KCNQ5: variants seen among roughly 807,000 people sequenced by gnomAD.
KCNQ5 encodes the protein potassium voltage-gated channel subfamily Q member 5, also known as potassium voltage-gated channel subfamily KQT member 5.
Under a neutral mutation model 98.2 loss-of-function variants are expected in KCNQ5, and 30 were observed. The observed-to-expected ratio is 0.31, with a 90% CI of 0.23 to 0.41. KCNQ5 has a LOEUF of 0.41. Ranked by LOEUF, KCNQ5 falls within the 10% of genes least tolerant of loss-of-function variation. KCNQ5 has a pLI of 1.00. For missense variants in KCNQ5, 835 were observed against 1,182.5 expected (o/e 0.71, Z 4.31); for synonymous variants, 458 against 449.4 (o/e 1.02, Z -0.24).
chr6:73,070,101 G>A (rs748643218), intron 3 of KCNQ5, among the ~76,000 whole-genome samples: 7 of 152,162 alleles, frequency 4.6e-5, no homozygotes, highest in Non-Finnish European at 7.3e-5. Context: ...ATGTTAATCC[G>A]TGAATTTAAT....
In KCNQ5 at chr6:72,622,641, C is replaced by A; in HGVS notation, c.398+54C>A. 1 of 1,594,104 alleles carries A rather than the reference C, an allele frequency of 6.3e-7. No individual in the cohort carries two copies. The highest frequency in any genetic ancestry group is 8.5e-7 in the Non-Finnish European group (1 of 1,170,052). ...GCTGCAGGGGACCACTGTCCCTGGC[C>A]CCCTGGGGCGTGCTCCGCGCTCGCG... On this transcript the variant is annotated intron_variant, in intron 1 of 13. Coordinates refer to ENST00000370398, the MANE Select transcript of KCNQ5 (RefSeq NM_019842.4). The surrounding 1 kb of genome is among the most constrained non-coding windows in gnomAD (Gnocchi z 6.0).
chr6:72,773,146 A>T (rs1379256196), intron 1 of KCNQ5, among the ~76,000 whole-genome samples: 1 of 152,168 alleles, frequency 6.6e-6, no homozygotes, highest in Non-Finnish European at 1.5e-5. Context: ...TACCCAAAGG[A>T]TTATAAATCA....
intron 11 of KCNQ5, among the ~76,000 whole-genome samples, chr6:73,187,061 C>CCT (rs1334239731): frequency 7.3e-6 from 1 of 137,230 alleles, no homozygotes; most frequent in Admixed American, 7.4e-5. Context: ...CACCAAAATT[C>CCT]TTTTTTTTTT....
chr6:72,771,393 T>G (rs1398478264), intron 1 of KCNQ5, among the ~76,000 whole-genome samples: 1 of 152,136 alleles, frequency 6.6e-6, no homozygotes, highest in African/African-American at 2.4e-5. Context: ...ACCAAAGTAT[T>G]TTTCAGCAAT....
At chr6:72,718,331 G>T (rs1020195711) in intron 1 of KCNQ5, among the ~76,000 whole-genome samples, 1 of 151,676 alleles carries the variant, frequency 6.6e-6, no homozygotes, top group Non-Finnish European at 1.5e-5. Context: ...TGTTCTGCTT[G>T]CCAGTTTTCC....
intron 11 of KCNQ5, among the ~76,000 whole-genome samples, 175 bp from the exon 12 acceptor site, chr6:73,190,398 T>C (rs1482907988): frequency 6.6e-6 from 1 of 152,224 alleles, no homozygotes; most frequent in African/African-American, 2.4e-5. Context: ...CATGAGATGT[T>C]CTTAAATTGT....
intron 1 of KCNQ5, among the ~76,000 whole-genome samples, chr6:72,747,460 C>T (rs1434237208): frequency 1.3e-5 from 2 of 152,074 alleles, no homozygotes; most frequent in Admixed American, 6.6e-5. Flanking sequence ...GACACAAAAT[C>T]GGATAAAAAT....
At chr6:72,812,393 G>C (rs970505060) in intron 1 of KCNQ5, among the ~76,000 whole-genome samples, 1 of 152,168 alleles carries the variant, frequency 6.6e-6, no homozygotes, top group Non-Finnish European at 1.5e-5. Flanking sequence ...CACTCTACCT[G>C]TAGTAGGTGC....
chr6:72,697,050 G>T (rs934548711), intron 1 of KCNQ5, among the ~76,000 whole-genome samples: 1 of 152,112 alleles, frequency 6.6e-6, no homozygotes, highest in Non-Finnish European at 1.5e-5. Context: ...GTTCATCACC[G>T]TGAAGTTGAG....
intron 1 of KCNQ5, among the ~76,000 whole-genome samples, chr6:72,664,303 C>A (rs1281555858): frequency 6.6e-6 from 1 of 152,106 alleles, no homozygotes; most frequent in Non-Finnish European, 1.5e-5. Flanking sequence ...TGACAAATAA[C>A]AAAATGTATT....
intron 11 of KCNQ5, among the ~76,000 whole-genome samples, chr6:73,179,143 A>G (rs1005211255): frequency 2.0e-5 from 3 of 152,192 alleles, no homozygotes; most frequent in Admixed American, 1.3e-4. Flanking sequence ...AAGAGGGAGT[A>G]TTTCAGTCTG....
At chr6:72,894,161 C>A (rs535814310) in intron 1 of KCNQ5, among the ~76,000 whole-genome samples, 5 of 152,056 alleles carry the variant, frequency 3.3e-5, no homozygotes, top group Non-Finnish European at 7.4e-5. Flanking sequence ...CATTTATCAT[C>A]TCTATTGACT....
chr6:73,012,016 G>A (rs996930774), intron 2 of KCNQ5, among the ~76,000 whole-genome samples: 1 of 152,034 alleles, frequency 6.6e-6, no homozygotes, highest in Non-Finnish European at 1.5e-5. Context: ...TTCACAATTG[G>A]TGGGACTGTG....
At chr6:72,912,656 T>G (rs747271957) in intron 1 of KCNQ5, among the ~76,000 whole-genome samples, 13 of 152,224 alleles carry the variant, frequency 8.5e-5, no homozygotes, top group Non-Finnish European at 1.9e-4. Context: ...TTGATGAGTT[T>G]CATTTGATTA....
chr6:73,012,433 A>G (rs1770107726), intron 2 of KCNQ5, among the ~76,000 whole-genome samples: 1 of 152,102 alleles, frequency 6.6e-6, no homozygotes, highest in South Asian at 2.1e-4. Context: ...AAGTATAGAG[A>G]CAAAGTGGAA....
intron 3 of KCNQ5, chr6:73,055,789 C>G (rs1772460705): frequency 1.1e-6 from 1 of 886,970 alleles, no homozygotes; most frequent in Admixed American, 1.7e-5. Context: ...CACGCAGTTC[C>G]TAGGGGATGA....
chr6:72,719,195 C>A (rs1769818246), intron 1 of KCNQ5, among the ~76,000 whole-genome samples: 1 of 152,142 alleles, frequency 6.6e-6, no homozygotes, highest in South Asian at 2.1e-4. Context: ...GATATTTAGA[C>A]CAACTTTTCT....
At chr6:72,976,005 A>G (rs1768145216) in intron 1 of KCNQ5, among the ~76,000 whole-genome samples, 1 of 152,242 alleles carries the variant, frequency 6.6e-6, no homozygotes, top group South Asian at 2.1e-4. Context: ...AACCAAATTC[A>G]TAATTGATTT....
chr6:73,195,700 T>G lies in KCNQ5; in HGVS notation c.*286T>G. The G allele has an allele frequency of 3.1e-6, 1 of 324,268 alleles. No homozygotes were observed. 20.1% of individuals were successfully genotyped at this position (324,268 alleles called of 1,614,324 possible). On this transcript the variant is annotated 3_prime_UTR_variant, in exon 14 of 14. Transcript: ENST00000370398. Reference sequence around the variant, plus strand: ...TATGGGGTGTATGAATATGTCAAGTTTAGGTCATTTAGAAGATTTGACACT... The same window carrying G: ...TATGGGGTGTATGAATATGTCAAGTGTAGGTCATTTAGAAGATTTGACACT...
Sources: gnomAD v4.1 joint callset for allele counts (sites outside exome capture counted in the v4.1 genomes callset) on GRCh38, gnomAD v4.1.1 for gene constraint, Gnocchi (gnomAD v3.1) non-coding constraint, MANE v1.5 for transcripts, NCBI Gene and HGNC (gene_info 2026-07-23, HGNC 2026-07-21) for gene names.